GCA: variants seen among roughly 807,000 people sequenced by gnomAD.
GCA encodes grancalcin, EF-hand calcium-binding protein.
A neutral mutation model predicts 32.6 loss-of-function variants in GCA; 30 were observed. That is an observed-to-expected ratio of 0.92 (90% CI 0.69 to 1.25). The LOEUF is 1.25. Among genes scored for constraint, GCA ranks in the 50% most tolerant of loss-of-function variants. GCA has a pLI of 0.00. For missense variants in GCA, 291 were observed against 266.8 expected, an observed-to-expected ratio of 1.09 and a Z score of -0.63; for synonymous variants, 102 against 84.6, an observed-to-expected ratio of 1.21 and a Z score of -1.13.
chr2:162,327,809 G>A (rs1024841335), intron 1 of GCA, among the ~76,000 whole-genome samples: 1 of 152,168 alleles, frequency 6.6e-6, no homozygotes, highest in Non-Finnish European at 1.5e-5. Context: ...TAACATTGAC[G>A]CAGCCTGTAG....
chr2:162,344,529 T>C (rs1284677995), intron 1 of GCA: 3 of 520,496 alleles, frequency 5.8e-6, no homozygotes, highest in African/African-American at 1.9e-5. Context: ...GAGTAATGTG[T>C]GTTTGGAAAT....
rs903849548 is a variant in GCA, at chr2:162,352,338, G to T, written c.193G>T (p.Asp65Tyr). The T allele has an allele frequency of 1.3e-6, 2 of 1,551,264 alleles. No individual in the cohort carries two copies. The highest frequency in any genetic ancestry group is 8.9e-7 in the Non-Finnish European group (1 of 1,123,206). Residue 65 changes from aspartate (D) to tyrosine (Y), a missense_variant and splice_region_variant, in exon 3 of 8, where the codon GAT becomes TAT. Transcript: ENST00000437150. ...YTYFSAVAGQ[D>Y]GEVDAEELQR... is the part of the protein sequence containing the mutation. ...TTAGGTCATAATTATTTTTAAACAG[G>T]ATGGTGAAGTGGATGCTGAAGAACT...
downstream of GCA, among the ~76,000 whole-genome samples, chr2:162,368,076 C>A (rs1685813486): frequency 6.6e-6 from 1 of 151,858 alleles, no homozygotes; most frequent in Non-Finnish European, 1.5e-5. Flanking sequence ...AAGATGATTG[C>A]TGGGTCCCAC....
chr2:162,369,629 T>A (rs1685860836), intron 4 of GCA, among the ~76,000 whole-genome samples: 1 of 152,018 alleles, frequency 6.6e-6, no homozygotes, highest in South Asian at 2.1e-4. Context: ...ATCAATCAGA[T>A]CTCCATTCCT....
At position 162,359,155 on chromosome 2, in the gene GCA, C is replaced by A; in HGVS notation, c.566C>A (p.Thr189Lys). The A allele has an allele frequency of 1.9e-6, 3 of 1,551,790 alleles. No homozygotes were observed. Among genetic ancestry groups the A allele is most frequent in the East Asian group, 4.5e-5 (2 of 44,378 alleles). ...VACCVKLRAL[T>K]DFFRKRDHLQ... ...TGCTGTGTGAAGCTTCGAGCATTGACAGGTATTGACTATTTAAAACTAAGT... is the reference window on the plus strand; with the variant it reads ...TGCTGTGTGAAGCTTCGAGCATTGAAAGGTATTGACTATTTAAAACTAAGT... Residue 189 changes from threonine to lysine, a missense_variant and splice_region_variant, in exon 6 of 8, where the codon ACA (threonine) becomes AAA (lysine). Transcript: ENST00000437150.
intron 1 of GCA, among the ~76,000 whole-genome samples, chr2:162,338,743 T>G (rs992220814): frequency 1.3e-5 from 2 of 152,162 alleles, no homozygotes; most frequent in East Asian, 1.9e-4. Context: ...ATGACTTTAT[T>G]GAGGATTTTA....
chr2:162,337,791 T>G (rs1162398195), intron 1 of GCA, among the ~76,000 whole-genome samples: 1 of 152,208 alleles, frequency 6.6e-6, no homozygotes, highest in African/African-American at 2.4e-5. Context: ...GTTTTATAGC[T>G]TGATTCTTAG....
At chr2:162,367,798 T>C (rs1309281208), downstream of GCA, among the ~76,000 whole-genome samples, 2 of 152,012 alleles carry the variant, frequency 1.3e-5, no homozygotes, top group African/African-American at 4.8e-5. Context: ...TCAGCATTTT[T>C]TGAGCACCTA....
chr2:162,348,749 C>T (rs768878344), intron 2 of GCA, among the ~76,000 whole-genome samples: 4 of 152,058 alleles, frequency 2.6e-5, no homozygotes, highest in Non-Finnish European at 5.9e-5. Context: ...TAACACCATA[C>T]CACAGTTTAT....
intron 1 of GCA, among the ~76,000 whole-genome samples, chr2:162,334,887 C>T (rs1162284218): frequency 6.6e-6 from 1 of 152,104 alleles, no homozygotes; most frequent in African/African-American, 2.4e-5. Context: ...TATATGTTAC[C>T]ACATTTAATC....
chr2:162,322,472 A>G (rs962241482), intron 1 of GCA, among the ~76,000 whole-genome samples: 1 of 151,134 alleles, frequency 6.6e-6, no homozygotes. Context: ...TTGGTTACAT[A>G]TGTATACATG....
intron 1 of GCA, 96 bp downstream of exon 1, chr2:162,344,371 C>G: frequency 8.3e-7 from 1 of 1,210,134 alleles, no homozygotes; most frequent in Admixed American, 2.0e-5. Context: ...GGCTCCTGCT[C>G]CCTGCGTCCG....
chr2:162,362,460 T>TTTGTCTTTTTACGTTTGACA lies in GCA; in HGVS notation c.*2217_*2218insTTGTCTTTTTACGTTTGACA, dbSNP rs2105360203. 6.2e-6 allele frequency: 6 copies of TTTGTCTTTTTACGTTTGACA among 964,394 alleles called. No homozygotes were observed. The highest frequency in any genetic ancestry group is 7.4e-6 in the Non-Finnish European group (6 of 810,936). 59.7% of individuals were successfully genotyped at this position (964,394 alleles called of 1,614,324 possible). On this transcript the variant is annotated 3_prime_UTR_variant, in exon 8 of 8. Coordinates refer to ENST00000437150, the MANE Select transcript of GCA (RefSeq NM_012198.5). ...GATATTTTTATGATGAACATGACTG[T>TTTGTCTTTTTACGTTTGACA]AATATGAATATAGTATAGTAGTTTG...
Position 162,361,539 on chromosome 2 carries a change from A to G in GCA, c.*1296A>G. 35 of 980,896 alleles carry G rather than the reference A, an allele frequency of 3.6e-5. No homozygotes were observed. The highest frequency in any genetic ancestry group is 4.2e-5 in the Non-Finnish European group (35 of 826,032). 60.8% of individuals were successfully genotyped at this position (980,896 alleles called of 1,614,324 possible). The stretch of plus-strand genomic sequence containing the variant: ...TCTTAATGGATGGAGGATAGATGGC[A>G]ATATCTTGAACAAAATCTTTTATAA... On this transcript the variant is annotated 3_prime_UTR_variant, in exon 8 of 8. Coordinates refer to ENST00000437150, the MANE Select transcript of GCA (RefSeq NM_012198.5).
chr2:162,360,182 A>T (rs776819012), intron 7 of GCA, 35 bp from the exon 8 acceptor site: 3 of 1,265,282 alleles, frequency 2.4e-6, no homozygotes, highest in South Asian at 2.6e-5. Flanking sequence ...AAACCATTTT[A>T]TTCTTAATAG....
In GCA at chr2:162,363,059, A is replaced by C. The variant is rs1685642590; in HGVS notation, c.*2816A>C. ...TCTTTAAGTAAAATATAAGACATTA[A>C]GTTTGCCTGTAATCTTATGGCATTA... On this transcript the variant is annotated 3_prime_UTR_variant, in exon 8 of 8. Transcript: ENST00000437150. Among the ~76,000 whole-genome samples the C allele has an allele frequency of 6.6e-6, 1 of 151,426 alleles. No homozygotes were observed. The highest frequency in any genetic ancestry group is 2.4e-5 in the African/African-American group (1 of 41,384).
chr2:162,351,486 G>GT lies in GCA; in HGVS notation c.193-851dup, dbSNP rs543921770. ...AGGGAAGAATGCTGCTTAGTATTTT[G>GT]TAATTTCTATTAGAACAGCTGCAGT... On this transcript the variant is annotated intron_variant, in intron 2 of 7. Transcript: ENST00000437150. 2.2e-3 allele frequency among the ~76,000 whole-genome samples: 339 copies of GT among 152,276 alleles called. 2 individuals carry two copies. The highest frequency in any genetic ancestry group is 7.1e-3 in the African/African-American group (294 of 41,570).
intron 1 of GCA, among the ~76,000 whole-genome samples, chr2:162,325,683 C>A (rs181895400): frequency 6.6e-6 from 1 of 152,258 alleles, no homozygotes; most frequent in East Asian, 1.9e-4. Flanking sequence ...CCTTCCCTGA[C>A]ACTATATGTG....
At chr2:162,350,786 G>C (rs963524488) in intron 2 of GCA, among the ~76,000 whole-genome samples, 1 of 152,000 alleles carries the variant, frequency 6.6e-6, no homozygotes, top group Non-Finnish European at 1.5e-5. Flanking sequence ...ACAGGGTTCT[G>C]GTCATATTTT....
Sources: gnomAD v4.1 joint callset for allele counts (sites outside exome capture counted in the v4.1 genomes callset) on GRCh38, gnomAD v4.1.1 for gene constraint, MANE v1.5 for transcripts, NCBI Gene and HGNC (gene_info 2026-07-23, HGNC 2026-07-21) for gene names.